CNTN4: variants seen among roughly 807,000 people sequenced by gnomAD.
CNTN4 encodes contactin 4, also known as contactin-4.
CNTN4 carries 77 observed loss-of-function variants against 122.5 expected under a neutral mutation model. The ratio of observed to expected loss-of-function variants is 0.63; its 90% confidence interval spans 0.52 to 0.76. The LOEUF is 0.76. Ranked by LOEUF, CNTN4 falls within the 30% of genes least tolerant of loss-of-function variation. The pLI is 0.00. For synonymous variants in CNTN4, 512 were observed against 447.0 expected (o/e 1.15, Z -1.83); for missense variants, 1,256 against 1,259.1 (o/e 1.00, Z 0.04).
chr3:2,688,272 T>G (rs950362482), intron 4 of CNTN4, among the ~76,000 whole-genome samples: 1 of 152,144 alleles, frequency 6.6e-6, no homozygotes, highest in East Asian at 1.9e-4. Flanking sequence ...TTGGACCACA[T>G]TGAGTTTTTT....
chr3:2,445,122 G>T (rs1225459041), intron 3 of CNTN4, among the ~76,000 whole-genome samples: 1 of 152,080 alleles, frequency 6.6e-6, no homozygotes, highest in Non-Finnish European at 1.5e-5. Context: ...TAATCCTGAA[G>T]GATAATGTTA....
intron 16 of CNTN4, among the ~76,000 whole-genome samples, chr3:3,032,311 T>C (rs1023380470): frequency 5.3e-5 from 8 of 152,222 alleles, no homozygotes; most frequent in African/African-American, 1.9e-4. Flanking sequence ...AATGTTCAGA[T>C]CAGCAGTTAA....
At chr3:2,708,634 A>T (rs1295426287) in intron 4 of CNTN4, among the ~76,000 whole-genome samples, 2 of 152,086 alleles carry the variant, frequency 1.3e-5, no homozygotes, top group Non-Finnish European at 2.9e-5. Flanking sequence ...CAAAACCTTA[A>T]ATCTGGAGAC....
intron 2 of CNTN4, among the ~76,000 whole-genome samples, chr3:2,275,662 C>A (rs55690483): frequency 0.52 from 78,198 of 151,796 alleles, 21,058 homozygotes; most frequent in South Asian, 0.65. Context: ...TGGGTAACAC[C>A]TGTAATCCCA....
chr3:2,932,979 T>C (rs1021985987), intron 13 of CNTN4, among the ~76,000 whole-genome samples: 20 of 152,094 alleles, frequency 1.3e-4, no homozygotes, highest in South Asian at 4.2e-4. Context: ...CCCACCACTA[T>C]GCCCGGCTAA....
chr3:2,979,576 A>G (rs1693766221), intron 13 of CNTN4, among the ~76,000 whole-genome samples: 1 of 151,586 alleles, frequency 6.6e-6, no homozygotes, highest in South Asian at 2.1e-4. Flanking sequence ...CCAATCATGT[A>G]TAAAAGAGAG....
At chr3:2,511,668 G>A (rs981367073) in intron 3 of CNTN4, 2 of 152,244 alleles carry the variant, frequency 1.3e-5, no homozygotes, top group Non-Finnish European at 2.9e-5. Flanking sequence ...AACATGTAAA[G>A]CGAAACTGGG....
intron 13 of CNTN4, among the ~76,000 whole-genome samples, chr3:2,982,031 C>G (rs985461923): frequency 6.6e-6 from 1 of 152,172 alleles, no homozygotes; most frequent in African/African-American, 2.4e-5. Flanking sequence ...CAGCAAGACT[C>G]TGTCTCAAAA....
chr3:2,751,240 A>G (rs916846146), intron 6 of CNTN4, among the ~76,000 whole-genome samples: 16 of 151,736 alleles, frequency 1.1e-4, no homozygotes, highest in Admixed American at 3.9e-4. Context: ...CCTGGGAGGC[A>G]GAGCTTGCTG....
At position 2,326,788 on chromosome 3, in the gene CNTN4, C is replaced by A. The variant is rs192117817; in HGVS notation, c.-144-12390C>A. ...TGGGCAATGAAGGTATTATTGTCTC[C>A]ATTTTACAAACGCAGAAATCAAAGC... is the stretch of plus-strand genomic sequence containing the variant. On this transcript the variant is annotated intron_variant, in intron 2 of 24. Coordinates refer to ENST00000418658, the MANE Select transcript of CNTN4 (RefSeq NM_175607.3). Among the ~76,000 whole-genome samples, 142 of 152,216 alleles carry A rather than the reference C, an allele frequency of 9.3e-4. 1 individual carries two copies. Among genetic ancestry groups the A allele is most frequent in the African/African-American group, 3.3e-3 (136 of 41,528 alleles).
chr3:2,465,478 A>G (rs1187927575), intron 3 of CNTN4, among the ~76,000 whole-genome samples: 1 of 152,094 alleles, frequency 6.6e-6, no homozygotes, highest in Non-Finnish European at 1.5e-5. Context: ...GGAGTTCGTG[A>G]CCAGCCTGGG....
chr3:2,881,358 C>T (rs2093907648), intron 8 of CNTN4, among the ~76,000 whole-genome samples: 2 of 152,036 alleles, frequency 1.3e-5, no homozygotes, highest in Admixed American at 1.3e-4. Flanking sequence ...ACTAAAAATA[C>T]AAAAAGTAGC....
At chr3:2,931,579 A>C (rs1158466397) in intron 13 of CNTN4, among the ~76,000 whole-genome samples, 1 of 152,136 alleles carries the variant, frequency 6.6e-6, no homozygotes. Flanking sequence ...TATATATTTT[A>C]TAGTATTTGT....
At chr3:2,997,988 T>C (rs990296325) in intron 14 of CNTN4, among the ~76,000 whole-genome samples, 17 of 152,200 alleles carry the variant, frequency 1.1e-4, no homozygotes, top group African/African-American at 3.9e-4. Context: ...TAGAACTGCT[T>C]ATAAATGTAA....
At chr3:2,190,011 A>T (rs2037453466) in intron 2 of CNTN4, among the ~76,000 whole-genome samples, 1 of 152,096 alleles carries the variant, frequency 6.6e-6, no homozygotes, top group Non-Finnish European at 1.5e-5. Flanking sequence ...GTGCTGTGAG[A>T]CTCTGCTCTC....
At chr3:2,397,216 G>A (rs2046673355) in intron 3 of CNTN4, among the ~76,000 whole-genome samples, 1 of 152,164 alleles carries the variant, frequency 6.6e-6, no homozygotes, top group Non-Finnish European at 1.5e-5. Flanking sequence ...TTCAGTATAT[G>A]TTGAAAGCAA....
intron 3 of CNTN4, among the ~76,000 whole-genome samples, chr3:2,435,355 T>A (rs985134548): frequency 2.6e-5 from 4 of 152,152 alleles, no homozygotes; most frequent in African/African-American, 9.6e-5. Context: ...AAATCACCTC[T>A]GGATTACTTA....
At chr3:3,014,693 CTT>C (rs1697573626) in intron 14 of CNTN4, among the ~76,000 whole-genome samples, 1 of 151,514 alleles carries the variant, frequency 6.6e-6, no homozygotes, top group African/African-American at 2.4e-5. Flanking sequence ...TTCCTTGTCT[CTT>C]GGCTTTAACA....
chr3:2,508,786 A>T (rs1208046896), intron 3 of CNTN4, among the ~76,000 whole-genome samples: 1 of 152,118 alleles, frequency 6.6e-6, no homozygotes, highest in Admixed American at 6.5e-5. Flanking sequence ...GTAACTAGTC[A>T]TGTTGGTCTC....
Sources: allele counts gnomAD v4.1 joint callset (sites outside exome capture counted in the v4.1 genomes callset), GRCh38; gene constraint gnomAD v4.1.1; transcripts MANE v1.5; gene names NCBI Gene and HGNC (gene_info 2026-07-23, HGNC 2026-07-21).